The following GABRB1 variants were observed in gnomAD, a reference collection of about 807,000 sequenced individuals.
GABRB1 encodes gamma-aminobutyric acid receptor subunit beta-1.
GABRB1 carries 17 observed loss-of-function variants against 51.6 expected under a neutral mutation model. The ratio of observed to expected loss-of-function variants is 0.33; its 90% confidence interval spans 0.23 to 0.49. The LOEUF is 0.49. Among genes scored for constraint, GABRB1 ranks in the 20% least tolerant of loss-of-function variants. GABRB1 has a pLI of 0.99. For missense variants in GABRB1, 410 were observed against 600.6 expected (o/e 0.68, Z 3.32); for synonymous variants, 247 against 218.9 (o/e 1.13, Z -1.14).
intron 5 of GABRB1, among the ~76,000 whole-genome samples, chr4:47,395,770 C>G (rs1418512348): frequency 6.6e-6 from 1 of 152,100 alleles, no homozygotes; most frequent in Admixed American, 6.5e-5. Flanking sequence ...CCTAGTCCCC[C>G]CAAAAGAAAT....
chr4:47,263,623 A>T (rs1722536446), intron 4 of GABRB1, among the ~76,000 whole-genome samples: 1 of 152,198 alleles, frequency 6.6e-6, no homozygotes, highest in African/African-American at 2.4e-5. Context: ...ATGATAGAGG[A>T]GAAATAAAAA....
intron 1 of GABRB1, among the ~76,000 whole-genome samples, chr4:47,013,444 C>A (rs942358236): frequency 6.6e-6 from 1 of 152,094 alleles, no homozygotes; most frequent in Non-Finnish European, 1.5e-5. Context: ...CAGGACTGAT[C>A]CACTGTGCCC....
At chr4:47,323,649 C>T (rs575119403) in intron 5 of GABRB1, among the ~76,000 whole-genome samples, 1 of 152,116 alleles carries the variant, frequency 6.6e-6, no homozygotes, top group African/African-American at 2.4e-5. Context: ...ACCAATCGTA[C>T]GTTTGTGACC....
At chr4:47,424,682 T>C (rs1456953023) in intron 8 of GABRB1, among the ~76,000 whole-genome samples, 2 of 152,210 alleles carry the variant, frequency 1.3e-5, no homozygotes, top group Admixed American at 1.3e-4. Flanking sequence ...TCCCTCTCCC[T>C]GTACTGGCCC....
intron 5 of GABRB1, 102 bp downstream of exon 5, chr4:47,320,311 G>T (rs962291214): frequency 6.9e-5 from 53 of 770,982 alleles, no homozygotes; most frequent in Non-Finnish European, 9.2e-6. Flanking sequence ...TTCTAGCTGC[G>T]CTTGCCTGAT....
At chr4:47,389,310 C>A (rs570029349) in intron 5 of GABRB1, among the ~76,000 whole-genome samples, 39 of 152,098 alleles carry the variant, frequency 2.6e-4, no homozygotes, top group Non-Finnish European at 4.7e-4. Flanking sequence ...ATGGGCTGAC[C>A]CTTCCTCTGC....
At chr4:47,024,483 C>T (rs1280659836) in intron 1 of GABRB1, among the ~76,000 whole-genome samples, 1 of 151,964 alleles carries the variant, frequency 6.6e-6, no homozygotes, top group Non-Finnish European at 1.5e-5. Context: ...TATGTAGTAG[C>T]AGTGACATGC....
chr4:47,242,113 AC>A (rs1285346313), intron 4 of GABRB1, among the ~76,000 whole-genome samples: 1 of 149,234 alleles, frequency 6.7e-6, no homozygotes, highest in Admixed American at 6.7e-5. Context: ...TTCCGTTCCC[AC>A]CTATGAGTGA....
At chr4:47,259,023 T>A (rs953030313) in intron 4 of GABRB1, among the ~76,000 whole-genome samples, 1 of 152,170 alleles carries the variant, frequency 6.6e-6, no homozygotes, top group African/African-American at 2.4e-5. Flanking sequence ...TCCATCCATA[T>A]GCAGTTGTCT....
intron 4 of GABRB1, among the ~76,000 whole-genome samples, chr4:47,172,839 A>G (rs2109757742): frequency 6.6e-6 from 1 of 151,984 alleles, no homozygotes; most frequent in Admixed American, 6.6e-5. Context: ...ACGGAGTTTC[A>G]CCATGTTGGC....
intron 1 of GABRB1, among the ~76,000 whole-genome samples, chr4:47,025,996 T>C (rs931046087): frequency 6.6e-6 from 1 of 152,020 alleles, no homozygotes; most frequent in African/African-American, 2.4e-5. Flanking sequence ...GCAGAAAGTT[T>C]CAACTCTATT....
intron 4 of GABRB1, among the ~76,000 whole-genome samples, chr4:47,299,532 A>G (rs1360194947): frequency 6.6e-6 from 1 of 152,204 alleles, no homozygotes; most frequent in Non-Finnish European, 1.5e-5. Flanking sequence ...AATCAAAACC[A>G]CAATGAGATA....
intron 4 of GABRB1, among the ~76,000 whole-genome samples, chr4:47,174,897 CTTCCTTCCTTCT>C (rs1300676703): frequency 7.3e-6 from 1 of 136,134 alleles, no homozygotes; most frequent in African/African-American, 2.7e-5. Context: ...TCTTTCCTTC[CTTCCTTCCTTCT>C]TTCCTTCCTT....
intron 3 of GABRB1, among the ~76,000 whole-genome samples, chr4:47,125,256 A>G (rs181023776): frequency 6.6e-6 from 1 of 152,264 alleles, no homozygotes; most frequent in Non-Finnish European, 1.5e-5. Context: ...GGATCTTCTC[A>G]GACAAATAAA....
At chr4:47,412,672 G>A (rs1728797455) in intron 8 of GABRB1, among the ~76,000 whole-genome samples, 1 of 152,126 alleles carries the variant, frequency 6.6e-6, no homozygotes, top group African/African-American at 2.4e-5. Flanking sequence ...TAAGGAGTGA[G>A]GTTAAGAGCA....
Position 47,425,652 on chromosome 4 carries a change from AGC to A in GABRB1, c.1081-21_1081-20del. The stretch of plus-strand genomic sequence containing the variant: ...GCAAAGGTCCTGCAACTTGTGTCCG[AGC>A]CTGTTCTTTTTGCCATCAGGTCGAC... On this transcript the variant is annotated intron_variant, in intron 8 of 8. Transcript: ENST00000295454. 6.4e-7 allele frequency: 1 copy of A among 1,563,376 alleles called. No homozygotes were observed. Among genetic ancestry groups the A allele is most frequent in the African/African-American group, 1.4e-5 (1 of 73,752 alleles).
intron 1 of GABRB1, among the ~76,000 whole-genome samples, chr4:47,004,081 T>C (rs1724310145): frequency 6.6e-6 from 1 of 152,084 alleles, no homozygotes; most frequent in Non-Finnish European, 1.5e-5. Context: ...CGCCACCTCC[T>C]GGGTTCAAGC....
At chr4:47,372,774 A>G (rs1357943798) in intron 5 of GABRB1, among the ~76,000 whole-genome samples, 1 of 152,194 alleles carries the variant, frequency 6.6e-6, no homozygotes, top group Non-Finnish European at 1.5e-5. Flanking sequence ...TATGGCAGGC[A>G]TCCAAAGACT....
intron 5 of GABRB1, among the ~76,000 whole-genome samples, chr4:47,347,618 G>A (rs1409319085): frequency 6.6e-6 from 1 of 151,886 alleles, no homozygotes; most frequent in Non-Finnish European, 1.5e-5. Flanking sequence ...AAGTTTGAAA[G>A]ATCCCATATG....
Sources: gnomAD v4.1 joint callset for allele counts (sites outside exome capture counted in the v4.1 genomes callset) on GRCh38, gnomAD v4.1.1 for gene constraint, MANE v1.5 for transcripts, NCBI Gene and HGNC (gene_info 2026-07-23, HGNC 2026-07-21) for gene names.